SLC26A3: variants seen among roughly 807,000 people sequenced by gnomAD.
SLC26A3 encodes chloride anion exchanger.
In SLC26A3, 64 loss-of-function variants were observed where a neutral mutation model predicts 85.6. The ratio of observed to expected loss-of-function variants is 0.75; its 90% CI spans 0.61 to 0.92. The LOEUF (loss-of-function observed/expected upper bound fraction) is 0.92. Ranked by LOEUF, SLC26A3 falls within the 40% of genes least tolerant of loss-of-function variation. SLC26A3 has a pLI of 0.00. For missense variants in SLC26A3, 922 were observed against 927.3 expected (o/e 0.99, Z 0.07); for synonymous variants, 349 against 336.0 (o/e 1.04, Z -0.42).
rs566801592 is a variant in SLC26A3, at chr7:107,788,110, T to A, written c.736-601A>T. On this transcript the variant is annotated intron_variant, in intron 6 of 20. Transcript: ENST00000340010. ...AGCAGGCCAAAACTGGATCCCAAAT[T>A]GCTTCTAGAACACTCCACTTTTGGA... Among the ~76,000 whole-genome samples the A allele has an allele frequency of 6.0e-4, 91 of 152,294 alleles. 1 individual carries two copies. The highest frequency in any genetic ancestry group is 2.0e-3 in the African/African-American group (85 of 41,572).
At chr7:107,791,707 C>G (rs1204216335) in intron 4 of SLC26A3, 123 bp downstream of exon 4, 1 of 702,520 alleles carries the variant, frequency 1.4e-6, no homozygotes, top group Non-Finnish European at 2.6e-6. Context: ...GGTCCTAATT[C>G]TCACAGGAGA....
At chr7:107,772,412 G>A (rs1794042875) in intron 17 of SLC26A3, among the ~76,000 whole-genome samples, 1 of 152,182 alleles carries the variant, frequency 6.6e-6, no homozygotes, top group Non-Finnish European at 1.5e-5. Flanking sequence ...TTTTAAAATA[G>A]TGTCTTCTTT....
chr7:107,780,645 A>G (rs958052462), intron 11 of SLC26A3, among the ~76,000 whole-genome samples: 4 of 152,164 alleles, frequency 2.6e-5, no homozygotes, highest in African/African-American at 9.7e-5. Context: ...TTATTTTTAT[A>G]TCTTGAGGAC....
intron 19 of SLC26A3, 39 bp downstream of exon 19, chr7:107,767,727 C>T: frequency 6.2e-7 from 1 of 1,612,770 alleles, no homozygotes; most frequent in Non-Finnish European, 8.5e-7. Context: ...GTGCAGATGG[C>T]TGCTTATGCA....
At chr7:107,780,025 T>C (rs555401283) in intron 11 of SLC26A3, among the ~76,000 whole-genome samples, 1 of 152,130 alleles carries the variant, frequency 6.6e-6, no homozygotes, top group Admixed American at 6.5e-5. Flanking sequence ...TGATGGCGTT[T>C]AGTAGCCTGC....
intron 7 of SLC26A3, among the ~76,000 whole-genome samples, chr7:107,787,135 T>C (rs1339918673): frequency 1.3e-5 from 2 of 152,228 alleles, no homozygotes; most frequent in Non-Finnish European, 2.9e-5. Flanking sequence ...TCAAGGGTCT[T>C]GCTCTCTGCA....
chr7:107,791,940 C>G lies in SLC26A3; in HGVS notation c.272G>C (p.Gly91Ala). 6.4e-7 allele frequency: 1 copy of G among 1,571,224 alleles called. No homozygotes were observed. Among genetic ancestry groups the G allele is most frequent in the Non-Finnish European group, 8.8e-7 (1 of 1,141,260 alleles). The change falls in exon 4 of 21, where the codon GGT becomes GCT. Residue 91 changes from glycine (G) to alanine (A), a missense_variant and splice_region_variant. Gly to Ala is a moderately conservative substitution (Grantham distance 60). Coordinates refer to ENST00000340010, the MANE Select transcript of SLC26A3 (RefSeq NM_000111.3). ...GTCGACCAGCAGAGCAAATGCTAAA[C>G]CTGTAAACACACAAGCAGCAGAGCC... Reference protein sequence around the residue: ...ISTGIVAVLQGLAFALLVDIP... With the variant: ...ISTGIVAVLQALAFALLVDIP...
intron 8 of SLC26A3, among the ~76,000 whole-genome samples, chr7:107,785,534 C>T (rs1562879059): frequency 6.6e-6 from 1 of 152,108 alleles, no homozygotes; most frequent in Non-Finnish European, 1.5e-5. Context: ...CTGACAAGAT[C>T]CTGTTTGGTT....
chr7:107,768,018 A>G, intron 18 of SLC26A3, 110 bp from the exon 19 acceptor site: 1 of 997,120 alleles, frequency 1.0e-6, no homozygotes, highest in African/African-American at 1.6e-5. Context: ...TTTCATTGAC[A>G]TTTGGTTAAG....
intron 1 of SLC26A3, 139 bp from the exon 2 acceptor site, chr7:107,794,736 C>CATAA: frequency 5.6e-6 from 3 of 535,834 alleles, no homozygotes. Flanking sequence ...TTGTGTTTTG[C>CATAA]GACAGCGATG....
chr7:107,794,612 A>G lies in SLC26A3; in HGVS notation c.-88-15T>C. 8.0e-7 allele frequency: 1 copy of G among 1,248,152 alleles called. No individual in the cohort carries two copies. The highest frequency in any genetic ancestry group is 1.7e-5 in the Admixed American group (1 of 58,996). The allele number at this position is 1,248,152 out of a possible 1,614,324, so 77.3% of individuals were successfully genotyped here. ...GTTAAAAATGCCTGAAACCAAACAG[A>G]GCTTGCTTCTTAAATAACTCAGAGA... On this transcript the variant is annotated splice_polypyrimidine_tract_variant and intron_variant, in intron 1 of 20. Transcript: ENST00000340010.
Position 107,776,454 on chromosome 7 carries a change from CA to C in SLC26A3, c.1674del (p.Asp558GlufsTer18). The C allele has an allele frequency of 6.2e-7, 1 of 1,611,666 alleles. No individual in the cohort carries two copies. Among genetic ancestry groups the C allele is most frequent in the African/African-American group, 1.3e-5 (1 of 74,972 alleles). ...NIGFFRRKLI[D>X]AVGFSPLRIL... ...AATTAAATAACCCCAAACCTTACAG[CA>C]TCGATAAGTTTCCGCCTAAAGAAAC... is the stretch of plus-strand genomic sequence containing the variant. On this transcript the variant is annotated frameshift_variant, in exon 15 of 21. Transcript: ENST00000340010. LOFTEE classifies it high-confidence loss of function.
chr7:107,778,211 GCCACA>G lies in SLC26A3; in HGVS notation c.1473_1477del (p.Val492IlefsTer20). On this transcript the variant is annotated frameshift_variant, in exon 13 of 21. Coordinates refer to ENST00000340010, the MANE Select transcript of SLC26A3 (RefSeq NM_000111.3). LOFTEE classifies it high-confidence loss of function. Reference sequence around the variant, plus strand: ...GAACACGATGGTTAGCAGTTGAAATGCCACACTAGCTGCCAGGCCTAACCCGAGTC... The same window carrying G: ...GAACACGATGGTTAGCAGTTGAAATGCTAGCTGCCAGGCCTAACCCGAGTC... 6.2e-7 allele frequency: 1 copy of G among 1,613,920 alleles called. No homozygotes were observed. The highest frequency in any genetic ancestry group is 8.5e-7 in the Non-Finnish European group (1 of 1,179,848).
intron 1 of SLC26A3, among the ~76,000 whole-genome samples, chr7:107,802,094 A>G (rs1033226699): frequency 5.6e-4 from 37 of 65,748 alleles, no homozygotes; most frequent in African/African-American, 1.3e-3. Context: ...TCCGTCTCAG[A>G]AAAAAAAAAA....
intron 20 of SLC26A3, among the ~76,000 whole-genome samples, chr7:107,766,989 C>T (rs917999897): frequency 3.3e-5 from 5 of 152,058 alleles, no homozygotes; most frequent in African/African-American, 1.2e-4. Flanking sequence ...AGCAGAAACC[C>T]ATTTTAATTT....
At chr7:107,795,489 G>C (rs1173819464) in intron 1 of SLC26A3, among the ~76,000 whole-genome samples, 1 of 152,086 alleles carries the variant, frequency 6.6e-6, no homozygotes, top group Non-Finnish European at 1.5e-5. Flanking sequence ...ACAATTCTTT[G>C]AGGCAGTTAC....
intron 4 of SLC26A3, 114 bp downstream of exon 4, chr7:107,791,716 G>C: frequency 2.7e-6 from 2 of 739,744 alleles, no homozygotes; most frequent in South Asian, 1.5e-5. Context: ...TCTCACAGGA[G>C]ACCATGACTC....
chr7:107,779,869 C>A, intron 11 of SLC26A3, 106 bp from the exon 12 acceptor site: 1 of 884,872 alleles, frequency 1.1e-6, no homozygotes, highest in Non-Finnish European at 1.8e-6. Context: ...GGCCTCAAAG[C>A]AAATCAAAGC....
intron 1 of SLC26A3, among the ~76,000 whole-genome samples, chr7:107,801,251 T>C (rs994336348): frequency 4.6e-5 from 7 of 152,230 alleles, no homozygotes; most frequent in African/African-American, 1.2e-4. Flanking sequence ...ACTGACTCTC[T>C]CCACTACGTC....
Sources: allele counts gnomAD v4.1 joint callset (sites outside exome capture counted in the v4.1 genomes callset), GRCh38; gene constraint gnomAD v4.1.1; transcripts MANE v1.5; gene names NCBI Gene and HGNC (gene_info 2026-07-23, HGNC 2026-07-21).